The following DLGAP2 variants were observed in gnomAD, a reference collection of about 807,000 sequenced individuals.
The protein encoded by DLGAP2 is DLG associated protein 2.
Under a neutral mutation model 100.3 loss-of-function variants are expected in DLGAP2, and 26 were observed. The observed-to-expected ratio is 0.26, with a 90% CI of 0.19 to 0.36. DLGAP2 has a LOEUF of 0.36. Among genes scored for constraint, DLGAP2 ranks in the 10% least tolerant of loss-of-function variants. DLGAP2 has a pLI of 1.00. For missense variants in DLGAP2, 1,858 were observed against 1,453.2 expected, an observed-to-expected ratio of 1.28 and a Z score of -4.53; for synonymous variants, 886 against 630.1, an observed-to-expected ratio of 1.41 and a Z score of -6.08.
intron 3 of DLGAP2, among the ~76,000 whole-genome samples, chr8:1,477,059 C>CACTGCAGACACAATTAATCACGTCACT (rs1563172065): frequency 6.6e-6 from 1 of 152,036 alleles, no homozygotes; most frequent in Admixed American, 6.6e-5. Context: ...GCAAAGCCTC[C>CACTGCAGACACAATTAATCACGTCACT]ACCGCAGACA....
chr8:1,363,899 G>A (rs912571092), intron 3 of DLGAP2, among the ~76,000 whole-genome samples: 1 of 152,120 alleles, frequency 6.6e-6, no homozygotes. Context: ...TCCCCGTGAG[G>A]TTGTGCCGGC....
chr8:1,690,114 G>C (rs916592927), intron 12 of DLGAP2, among the ~76,000 whole-genome samples: 1 of 151,240 alleles, frequency 6.6e-6, no homozygotes, highest in African/African-American at 2.4e-5. Flanking sequence ...CCTTGGCCTT[G>C]GGAGGCCAAG....
At chr8:1,465,423 A>G (rs1227066508) in intron 3 of DLGAP2, among the ~76,000 whole-genome samples, 6 of 149,918 alleles carry the variant, frequency 4.0e-5, no homozygotes, top group Admixed American at 2.0e-4. Context: ...ACAGATGAAG[A>G]GATGAGCAGA....
chr8:1,013,606 C>T (rs1158575459), intron 2 of DLGAP2, among the ~76,000 whole-genome samples: 1 of 142,788 alleles, frequency 7.0e-6, no homozygotes, highest in Admixed American at 6.8e-5. Flanking sequence ...GGCGCCTCCA[C>T]TGTGTGTGTG....
intron 2 of DLGAP2, among the ~76,000 whole-genome samples, chr8:946,140 C>T (rs1176607883): frequency 6.6e-6 from 1 of 152,078 alleles, no homozygotes; most frequent in Non-Finnish European, 1.5e-5. Flanking sequence ...TGCGCTTGGG[C>T]AAACCCTTAG....
intron 3 of DLGAP2, among the ~76,000 whole-genome samples, chr8:1,460,084 C>T (rs1448911295): frequency 6.6e-6 from 1 of 152,206 alleles, no homozygotes; most frequent in Non-Finnish European, 1.5e-5. Context: ...ACACGTGCAG[C>T]GTGAGCAGGA....
At chr8:1,323,570 G>A (rs965558301) in intron 3 of DLGAP2, among the ~76,000 whole-genome samples, 1 of 152,162 alleles carries the variant, frequency 6.6e-6, no homozygotes, top group African/African-American at 2.4e-5. Flanking sequence ...ACCAGGATTC[G>A]AACGTGGGGC....
chr8:1,064,764 C>T (rs750176194), intron 2 of DLGAP2, among the ~76,000 whole-genome samples: 10 of 152,214 alleles, frequency 6.6e-5, no homozygotes, highest in Non-Finnish European at 1.2e-4. Flanking sequence ...AGTATTTCCT[C>T]TCTCCTTTTA....
At chr8:895,644 C>T (rs946858619) in intron 1 of DLGAP2, among the ~76,000 whole-genome samples, 6 of 152,138 alleles carry the variant, frequency 3.9e-5, no homozygotes, top group African/African-American at 1.4e-4. Context: ...TGCAGTGTGA[C>T]TTAGGGTTCA....
intron 3 of DLGAP2, among the ~76,000 whole-genome samples, chr8:1,390,820 A>T (rs757885): frequency 6.6e-6 from 1 of 152,236 alleles, no homozygotes; most frequent in Non-Finnish European, 1.5e-5. Context: ...GAGCGAGCCC[A>T]TAGCGAATGC....
At chr8:1,105,542 G>T (rs944697798) in intron 2 of DLGAP2, among the ~76,000 whole-genome samples, 1 of 152,160 alleles carries the variant, frequency 6.6e-6, no homozygotes, top group South Asian at 2.1e-4. Context: ...GACAAGGTAG[G>T]AGCTTCCTGC....
rs1188129819 is a variant in DLGAP2 at position 987,719 on chromosome 8, G to GCCGACGACAAGCCCACTCCTTTCA, written c.73+79756_73+79779dup. Among the ~76,000 whole-genome samples the GCCGACGACAAGCCCACTCCTTTCA allele has an allele frequency of 7.9e-4, 120 of 152,220 alleles. 1 individual carries two copies. Among genetic ancestry groups the GCCGACGACAAGCCCACTCCTTTCA allele is most frequent in the African/African-American group, 2.8e-3 (117 of 41,530 alleles). On this transcript the variant is annotated intron_variant, in intron 2 of 14. Transcript: ENST00000637795. ...GCCTGGAGGTGGGTAATTAGTCCAAGCCGACGACAAGCCCACTCCTTTCAC... is the reference window on the plus strand; with the variant it reads ...GCCTGGAGGTGGGTAATTAGTCCAAGCCGACGACAAGCCCACTCCTTTCACCGACGACAAGCCCACTCCTTTCAC...
At chr8:1,537,161 G>C (rs2130476026) in intron 4 of DLGAP2, among the ~76,000 whole-genome samples, 1 of 152,254 alleles carries the variant, frequency 6.6e-6, no homozygotes, top group Middle Eastern at 3.4e-3. Context: ...CAAGCCTCTG[G>C]GTTCTCCTGG....
At chr8:924,856 G>C (rs1350842767) in intron 2 of DLGAP2, among the ~76,000 whole-genome samples, 1 of 152,136 alleles carries the variant, frequency 6.6e-6, no homozygotes, top group Admixed American at 6.5e-5. Context: ...AAAGTGCTGG[G>C]ATTGCCAGCA....
chr8:1,451,186 C>T (rs1798149486), intron 3 of DLGAP2, among the ~76,000 whole-genome samples: 2 of 152,050 alleles, frequency 1.3e-5, no homozygotes, highest in Admixed American at 6.6e-5. Context: ...TGCATGCAGG[C>T]CATATTTGGA....
At chr8:1,204,907 G>C (rs754964793) in intron 2 of DLGAP2, among the ~76,000 whole-genome samples, 1 of 152,186 alleles carries the variant, frequency 6.6e-6, no homozygotes, top group Non-Finnish European at 1.5e-5. Context: ...GAGCTGACCA[G>C]GGCTGTTTGC....
chr8:926,138 G>A (rs919638457), intron 2 of DLGAP2, among the ~76,000 whole-genome samples: 2 of 152,168 alleles, frequency 1.3e-5, no homozygotes, highest in Admixed American at 6.5e-5. Context: ...GCCGGTTCCT[G>A]GGGACAGTGA....
At chr8:1,324,103 TAAG>T (rs962806561) in intron 3 of DLGAP2, among the ~76,000 whole-genome samples, 2 of 152,164 alleles carry the variant, frequency 1.3e-5, no homozygotes, top group East Asian at 1.9e-4. Context: ...CTTAGTGAAA[TAAG>T]AAGCGTCCAT....
intron 6 of DLGAP2, among the ~76,000 whole-genome samples, chr8:1,589,663 G>T (rs564143507): frequency 6.6e-6 from 1 of 152,292 alleles, no homozygotes; most frequent in East Asian, 1.9e-4. Flanking sequence ...GCCCAGGCTG[G>T]TCTCAAACTC....
Sources: gnomAD v4.1 joint callset for allele counts (sites outside exome capture counted in the v4.1 genomes callset) on GRCh38, gnomAD v4.1.1 for gene constraint, MANE v1.5 for transcripts, NCBI Gene and HGNC (gene_info 2026-07-23, HGNC 2026-07-21) for gene names.